Variants in CYP4X1 observed in about 807,000 individuals in gnomAD.
The protein encoded by CYP4X1 is cytochrome P450 4X1.
Under a neutral mutation model 57.9 loss-of-function variants are expected in CYP4X1, and 44 were observed. That is an observed-to-expected ratio of 0.76 (90% CI 0.60 to 0.98). The LOEUF is 0.98. Among genes scored for constraint, CYP4X1 ranks in the 50% least tolerant of loss-of-function variants. CYP4X1 has a pLI of 0.00. For synonymous variants in CYP4X1, 227 were observed against 228.6 expected (o/e 0.99, Z 0.06); for missense variants, 532 against 623.9 (o/e 0.85, Z 1.57).
the CYP4X1 span, among the ~76,000 whole-genome samples, chr1:46,980,275 A>G: frequency 6.6e-6 from 1 of 152,258 alleles, no homozygotes; most frequent in Non-Finnish European, 1.5e-5. Context: ...TAACTTCAGC[A>G]AAGTCTCAGG....
the CYP4X1 span, among the ~76,000 whole-genome samples, chr1:47,010,410 T>C: frequency 6.6e-6 from 1 of 152,156 alleles, no homozygotes; most frequent in Non-Finnish European, 1.5e-5. Context: ...AAGACATATC[T>C]CAAAATAATA....
chr1:47,009,912 A>G, the CYP4X1 span, among the ~76,000 whole-genome samples: 2 of 152,202 alleles, frequency 1.3e-5, no homozygotes, highest in Non-Finnish European at 2.9e-5. Context: ...AATTGAGGCA[A>G]TAATTAATAA....
At chr1:47,007,696 G>T in the CYP4X1 span, among the ~76,000 whole-genome samples, 2 of 152,170 alleles carry the variant, frequency 1.3e-5, no homozygotes, top group African/African-American at 2.4e-5. Context: ...TTAGACGAAT[G>T]GCTAACTAGA....
the CYP4X1 span, among the ~76,000 whole-genome samples, chr1:47,004,126 A>G: frequency 3.3e-5 from 5 of 152,236 alleles, no homozygotes; most frequent in Non-Finnish European, 5.9e-5. Context: ...TAGGGTGTAT[A>G]CCAAGCAACC....
the CYP4X1 span, among the ~76,000 whole-genome samples, chr1:46,976,134 A>C: frequency 6.6e-6 from 1 of 152,100 alleles, no homozygotes; most frequent in Non-Finnish European, 1.5e-5. Flanking sequence ...AAGCCAAAGA[A>C]GGGTGGGGCA....
chr1:46,998,019 T>C, the CYP4X1 span, among the ~76,000 whole-genome samples: 2 of 152,224 alleles, frequency 1.3e-5, no homozygotes, highest in Admixed American at 6.5e-5. Flanking sequence ...TCTGTTCATG[T>C]TCTTTGTCCA....
At chr1:47,024,803 G>C (rs1356358858) in intron 1 of CYP4X1, among the ~76,000 whole-genome samples, 1 of 152,188 alleles carries the variant, frequency 6.6e-6, no homozygotes, top group African/African-American at 2.4e-5. Flanking sequence ...GTGAAGGGCT[G>C]AGCAGAGTCT....
At chr1:47,053,693 T>G (rs1644373569), downstream of CYP4X1, among the ~76,000 whole-genome samples, 4 of 152,380 alleles carry the variant, frequency 2.6e-5, no homozygotes, top group African/African-American at 9.6e-5. Flanking sequence ...TTTTCATGTG[T>G]CTTTTGGCTG....
chr1:47,015,598 G>A, the CYP4X1 span, among the ~76,000 whole-genome samples: 6 of 152,120 alleles, frequency 3.9e-5, no homozygotes, highest in South Asian at 2.1e-4. Context: ...AGAATGAAGT[G>A]ATCACTTCCC....
chr1:46,961,804 T>A, the CYP4X1 span: 1 of 1,285,084 alleles, frequency 7.8e-7, no homozygotes, highest in Non-Finnish European at 1.0e-6. Flanking sequence ...AGACCCTTGG[T>A]GCTGGATGAC....
chr1:47,002,046 T>A, the CYP4X1 span, among the ~76,000 whole-genome samples: 1 of 152,252 alleles, frequency 6.6e-6, no homozygotes, highest in Non-Finnish European at 1.5e-5. Flanking sequence ...CTGACAGTTA[T>A]AATTGAGTGC....
At chr1:46,990,257 G>C in the CYP4X1 span, among the ~76,000 whole-genome samples, 1 of 152,140 alleles carries the variant, frequency 6.6e-6, no homozygotes, top group Non-Finnish European at 1.5e-5. Context: ...ACAGACATTT[G>C]TCAAAAGAAG....
chr1:47,037,259 TA>T (rs1644194270), intron 6 of CYP4X1, among the ~76,000 whole-genome samples: 1 of 149,688 alleles, frequency 6.7e-6, no homozygotes, highest in African/African-American at 2.5e-5. Context: ...ATTCAAAACT[TA>T]AAACCTTTTC....
intron 2 of CYP4X1, 78 bp downstream of exon 2, chr1:47,030,209 G>A: frequency 6.6e-7 from 1 of 1,515,916 alleles, no homozygotes; most frequent in South Asian, 1.3e-5. Flanking sequence ...AGATTCCAAA[G>A]CAAAGATTGG....
the CYP4X1 span, among the ~76,000 whole-genome samples, chr1:47,018,049 A>G: frequency 6.6e-6 from 1 of 152,038 alleles, no homozygotes; most frequent in East Asian, 1.9e-4. Context: ...CCAGTCACCA[A>G]CTCCCATCAA....
At chr1:47,015,689 G>C in the CYP4X1 span, among the ~76,000 whole-genome samples, 1 of 152,106 alleles carries the variant, frequency 6.6e-6, no homozygotes, top group Non-Finnish European at 1.5e-5. Context: ...AGAGGTTGAG[G>C]CTTCAATAAA....
chr1:47,035,747 A>G (rs1644172732), intron 4 of CYP4X1, 59 bp from the exon 5 acceptor site: 3 of 1,567,600 alleles, frequency 1.9e-6, no homozygotes, highest in East Asian at 2.3e-5. Flanking sequence ...GGAGCCTTCA[A>G]ATGAAGGCAA....
intron 6 of CYP4X1, among the ~76,000 whole-genome samples, chr1:47,037,950 C>T (rs948734132): frequency 6.6e-6 from 1 of 152,166 alleles, no homozygotes; most frequent in Non-Finnish European, 1.5e-5. Context: ...ATAACCATCA[C>T]ATTCTAAACG....
At chr1:47,001,540 G>A in the CYP4X1 span, among the ~76,000 whole-genome samples, 23 of 152,236 alleles carry the variant, frequency 1.5e-4, no homozygotes, top group East Asian at 4.5e-3. Context: ...GGGCTTTGGG[G>A]AGGCTTCCTA....
Sources: allele counts gnomAD v4.1 joint callset (sites outside exome capture counted in the v4.1 genomes callset), GRCh38; gene constraint gnomAD v4.1.1; transcripts MANE v1.5; gene names NCBI Gene and HGNC (gene_info 2026-07-23, HGNC 2026-07-21).